NME7: variants seen among roughly 807,000 people sequenced by gnomAD.
The protein encoded by NME7 is NME/NM23 family member 7.
Under a neutral mutation model 49.1 loss-of-function variants are expected in NME7, and 41 were observed. The observed-to-expected ratio is 0.83, with a 90% CI of 0.65 to 1.08. The LOEUF (loss-of-function observed/expected upper bound fraction) is 1.08, where lower values mean the gene tolerates loss of function less well. Among genes scored for constraint, NME7 ranks in the 50% least tolerant of loss-of-function variants. The pLI, the probability that NME7 is intolerant of heterozygous loss-of-function variation, is 0.00. For missense variants in NME7, 423 were observed against 463.4 expected (o/e 0.91, Z 0.80); for synonymous variants, 139 against 150.6 (o/e 0.92, Z 0.56).
At chr1:169,312,556 A>G (rs1196473076) in intron 3 of NME7, among the ~76,000 whole-genome samples, 1 of 152,244 alleles carries the variant, frequency 6.6e-6, no homozygotes, top group East Asian at 1.9e-4. Context: ...ATACACGGTA[A>G]CTACTTCTTG....
intron 10 of NME7, among the ~76,000 whole-genome samples, chr1:169,206,210 T>C (rs190406598): frequency 2.0e-3 from 303 of 152,298 alleles, no homozygotes; most frequent in Admixed American, 3.8e-3. Context: ...TCTGTGAAGA[T>C]AGATTTTATT....
chr1:169,251,375 T>C (rs1311032408), intron 7 of NME7, among the ~76,000 whole-genome samples: 1 of 152,034 alleles, frequency 6.6e-6, no homozygotes, highest in Admixed American at 6.6e-5. Context: ...TCTTTATGTA[T>C]TAGGTGAGTC....
intron 10 of NME7, among the ~76,000 whole-genome samples, chr1:169,182,173 T>TAAAAAAA (rs1557977104): frequency 1.1e-4 from 5 of 45,576 alleles, no homozygotes; most frequent in East Asian, 8.9e-3. Flanking sequence ...ACTAGCTAAT[T>TAAAAAAA]TAAAAAAAAA....
At chr1:169,363,661 T>A (rs971073504) in intron 1 of NME7, among the ~76,000 whole-genome samples, 10 of 152,236 alleles carry the variant, frequency 6.6e-5, no homozygotes, top group African/African-American at 2.2e-4. Flanking sequence ...TTTATTACAT[T>A]GAACCATAAG....
intron 10 of NME7, among the ~76,000 whole-genome samples, chr1:169,229,621 T>C (rs1034699961): frequency 3.3e-5 from 5 of 152,214 alleles, no homozygotes; most frequent in African/African-American, 1.2e-4. Flanking sequence ...TGACACAAGA[T>C]GATTTCTTAA....
chr1:169,365,261 G>A (rs757472916), intron 1 of NME7, among the ~76,000 whole-genome samples: 6 of 152,154 alleles, frequency 3.9e-5, no homozygotes, highest in Non-Finnish European at 7.3e-5. Flanking sequence ...CAACTTCCAA[G>A]CTGTCAGGGA....
chr1:169,211,895 A>G (rs1215927053), intron 10 of NME7, among the ~76,000 whole-genome samples: 1 of 152,138 alleles, frequency 6.6e-6, no homozygotes, highest in South Asian at 2.1e-4. Flanking sequence ...TAAAATTTTA[A>G]TTTTCATAGA....
intron 3 of NME7, among the ~76,000 whole-genome samples, chr1:169,314,953 G>A (rs1017824785): frequency 1.3e-5 from 2 of 152,122 alleles, no homozygotes; most frequent in African/African-American, 4.8e-5. Flanking sequence ...TGCTAGAGAT[G>A]AAGATGGTCT....
At chr1:169,321,352 C>T (rs1443713719) in intron 3 of NME7, among the ~76,000 whole-genome samples, 1 of 151,992 alleles carries the variant, frequency 6.6e-6, no homozygotes, top group African/African-American at 2.4e-5. Flanking sequence ...AGAGCCAGAC[C>T]CCACCTCAAA....
chr1:169,239,658 A>G (rs942622492), intron 7 of NME7, among the ~76,000 whole-genome samples: 10 of 152,042 alleles, frequency 6.6e-5, no homozygotes, highest in African/African-American at 2.4e-4. Context: ...ATTGCATACC[A>G]ACAGATAGAG....
At position 169,277,168 on chromosome 1, in the gene NME7, T is replaced by C. The variant is rs753860429; in HGVS notation, c.754+10135A>G. ...GCTGAAAATATGTATATTCTGTTGA[T>C]TTGGGGTGGAGAGTTCTGTAGATGT... is the stretch of plus-strand genomic sequence containing the variant. On this transcript the variant is annotated intron_variant, in intron 7 of 11. Coordinates refer to ENST00000367811, the MANE Select transcript of NME7 (RefSeq NM_013330.5). 6.0e-4 allele frequency among the ~76,000 whole-genome samples: 90 copies of C among 150,030 alleles called. 4 individuals are homozygous for C. Among genetic ancestry groups the C allele is most frequent in the Non-Finnish European group, 1.1e-3 (72 of 67,422 alleles).
intron 4 of NME7, among the ~76,000 whole-genome samples, chr1:169,303,704 G>A (rs59884330): frequency 4.0e-5 from 6 of 151,862 alleles, no homozygotes; most frequent in African/African-American, 7.3e-5. Context: ...CACCCACCTC[G>A]GCCTCTCAAA....
chr1:169,219,230 T>C (rs1483877103), intron 10 of NME7, among the ~76,000 whole-genome samples: 2 of 152,160 alleles, frequency 1.3e-5, no homozygotes, highest in African/African-American at 2.4e-5. Flanking sequence ...CATGAGTTAA[T>C]GCATCTGCAA....
intron 10 of NME7, among the ~76,000 whole-genome samples, chr1:169,197,213 G>A (rs906064482): frequency 1.3e-5 from 2 of 151,800 alleles, no homozygotes; most frequent in Non-Finnish European, 2.9e-5. Flanking sequence ...AAAGATTTTT[G>A]GAAAAATATA....
intron 1 of NME7, among the ~76,000 whole-genome samples, chr1:169,336,173 G>C (rs1170599532): frequency 3.3e-5 from 5 of 151,780 alleles, no homozygotes; most frequent in East Asian, 1.9e-4. Flanking sequence ...GGAGTTGTTC[G>C]TTCCTCCCGG....
chr1:169,161,206 A>G (rs1659233075), intron 11 of NME7, among the ~76,000 whole-genome samples: 1 of 152,060 alleles, frequency 6.6e-6, no homozygotes, highest in South Asian at 2.1e-4. Flanking sequence ...ATCTCTTGCC[A>G]TTTTCTACCT....
chr1:169,188,333 C>T (rs1031520833), intron 10 of NME7, among the ~76,000 whole-genome samples: 8 of 152,144 alleles, frequency 5.3e-5, no homozygotes, highest in Admixed American at 1.3e-4. Context: ...ACTGATCACA[C>T]CTGCTTATTT....
intron 3 of NME7, among the ~76,000 whole-genome samples, chr1:169,320,727 G>A (rs1056370780): frequency 6.6e-6 from 1 of 152,104 alleles, no homozygotes; most frequent in Non-Finnish European, 1.5e-5. Context: ...AGAGAAAATG[G>A]TGAATCAATT....
At chr1:169,343,169 G>A (rs530061221) in intron 1 of NME7, among the ~76,000 whole-genome samples, 1 of 151,330 alleles carries the variant, frequency 6.6e-6, no homozygotes, top group East Asian at 1.9e-4. Context: ...TCATATCTAA[G>A]AAGGCTTTGC....
Sources: allele counts gnomAD v4.1 joint callset (sites outside exome capture counted in the v4.1 genomes callset), GRCh38; gene constraint gnomAD v4.1.1; transcripts MANE v1.5; gene names NCBI Gene and HGNC (gene_info 2026-07-23, HGNC 2026-07-21).